Variants in PDE7B observed in about 807,000 individuals in gnomAD.
PDE7B encodes phosphodiesterase 7B, also known as 3',5'-cyclic-AMP phosphodiesterase 7B.
In PDE7B, 29 loss-of-function variants were observed where a neutral mutation model predicts 56.2. The ratio of observed to expected loss-of-function variants is 0.52; its 90% CI spans 0.38 to 0.70. The LOEUF (loss-of-function observed/expected upper bound fraction) is 0.70. PDE7B is among the 30% of genes least tolerant of loss of function. The probability of loss-of-function intolerance (pLI) is 0.00; values close to 1 mark genes in which losing one functional copy is unlikely to be tolerated. For missense variants in PDE7B, 490 were observed against 565.0 expected (o/e 0.87, Z 1.35); for synonymous variants, 197 against 196.9 (o/e 1.00, Z 0.00).
chr6:136,124,250 GT>G (rs1175547930), intron 3 of PDE7B, among the ~76,000 whole-genome samples: 2 of 151,978 alleles, frequency 1.3e-5, no homozygotes, highest in African/African-American at 4.8e-5. Context: ...AAAAACTTAG[GT>G]GGAAGAATTT....
chr6:136,182,665 A>C (rs1779084881), intron 11 of PDE7B, among the ~76,000 whole-genome samples: 1 of 152,190 alleles, frequency 6.6e-6, no homozygotes, highest in Non-Finnish European at 1.5e-5. Context: ...GATTCTGAGC[A>C]CCTTGGGGCA....
chr6:136,188,603 A>AC (rs1360715511), intron 12 of PDE7B, among the ~76,000 whole-genome samples: 2 of 151,816 alleles, frequency 1.3e-5, no homozygotes, highest in Admixed American at 6.6e-5. Context: ...GACATTTTGA[A>AC]CCCCCCAAAC....
intron 2 of PDE7B, among the ~76,000 whole-genome samples, chr6:136,000,242 T>C (rs992584404): frequency 2.6e-5 from 4 of 152,230 alleles, no homozygotes; most frequent in Admixed American, 1.3e-4. Context: ...GTGATGAAGC[T>C]CTTAAGTTTA....
chr6:135,954,746 G>A (rs926280813), intron 2 of PDE7B, among the ~76,000 whole-genome samples: 3 of 152,118 alleles, frequency 2.0e-5, no homozygotes, highest in African/African-American at 7.2e-5. Flanking sequence ...CACCTTGAGG[G>A]TTATGGTTTA....
In PDE7B at chr6:136,191,666, G is replaced by A. The variant is rs747103589; in HGVS notation, c.1179G>A (p.Thr393=). ...EPLFREWAHF[T]GNSTLSENML... ...TCTTCCGGGAATGGGCCCATTTCACGGGTAACAGCACCCTGTCGGAGAACA... is the reference window on the plus strand; with the variant it reads ...TCTTCCGGGAATGGGCCCATTTCACAGGTAACAGCACCCTGTCGGAGAACA... The change falls in exon 13 of 13, where the codon ACG becomes ACA. Residue 393 remains threonine, a synonymous_variant. Transcript: ENST00000308191. 2.5e-6 allele frequency: 4 copies of A among 1,614,056 alleles called. No homozygotes were observed. The highest frequency in any genetic ancestry group is 2.5e-6 in the Non-Finnish European group (3 of 1,179,990).
intron 1 of PDE7B, among the ~76,000 whole-genome samples, chr6:135,917,562 T>G (rs1773979563): frequency 6.6e-6 from 1 of 152,170 alleles, no homozygotes; most frequent in African/African-American, 2.4e-5. Flanking sequence ...TCTGCTAATT[T>G]CAACATTGTC....
At chr6:135,953,316 A>G (rs1326809925) in intron 2 of PDE7B, among the ~76,000 whole-genome samples, 1 of 152,106 alleles carries the variant, frequency 6.6e-6, no homozygotes, top group Non-Finnish European at 1.5e-5. Context: ...ATAATACACA[A>G]TCTGTTTTAA....
intron 9 of PDE7B, among the ~76,000 whole-genome samples, chr6:136,178,656 C>T (rs1053687199): frequency 6.6e-6 from 1 of 152,230 alleles, no homozygotes; most frequent in South Asian, 2.1e-4. Context: ...TAAAAACACA[C>T]CGCCAATCTC....
intron 1 of PDE7B, among the ~76,000 whole-genome samples, chr6:135,924,647 GAT>G (rs1445128172): frequency 2.2e-5 from 2 of 89,018 alleles, no homozygotes; most frequent in East Asian, 6.7e-4. Flanking sequence ...TTTTTTGTGG[GAT>G]GTCACCTCTA....
At chr6:135,862,070 G>A (rs922400279) in intron 1 of PDE7B, among the ~76,000 whole-genome samples, 5 of 151,712 alleles carry the variant, frequency 3.3e-5, no homozygotes, top group African/African-American at 1.2e-4. Context: ...GGTGGTCACC[G>A]ATTTTCCTTT....
chr6:136,000,670 A>C (rs894361997), intron 2 of PDE7B, among the ~76,000 whole-genome samples: 3 of 152,134 alleles, frequency 2.0e-5, no homozygotes, highest in African/African-American at 7.2e-5. Context: ...ATATAGTTTG[A>C]AGTCAAGTAA....
intron 12 of PDE7B, among the ~76,000 whole-genome samples, chr6:136,190,847 A>G (rs994297476): frequency 6.6e-6 from 1 of 152,118 alleles, no homozygotes; most frequent in Non-Finnish European, 1.5e-5. Flanking sequence ...GTTATTTAAC[A>G]TAACTGAAAG....
At chr6:136,078,026 A>G (rs570923133) in intron 2 of PDE7B, among the ~76,000 whole-genome samples, 1 of 152,302 alleles carries the variant, frequency 6.6e-6, no homozygotes, top group East Asian at 1.9e-4. Flanking sequence ...TTGAATGTAA[A>G]TCTAGCGCCA....
At chr6:135,894,430 C>A (rs1395956580) in intron 1 of PDE7B, among the ~76,000 whole-genome samples, 2 of 152,164 alleles carry the variant, frequency 1.3e-5, no homozygotes, top group Admixed American at 1.3e-4. Flanking sequence ...ATTAGCCAAA[C>A]ACTTTTCCGT....
At chr6:135,979,415 T>A (rs2128204033) in intron 2 of PDE7B, among the ~76,000 whole-genome samples, 1 of 151,920 alleles carries the variant, frequency 6.6e-6, no homozygotes, top group Non-Finnish European at 1.5e-5. Flanking sequence ...GAGGATTCCC[T>A]CTTTTTCTAT....
At chr6:136,083,471 C>G (rs989715969) in intron 2 of PDE7B, among the ~76,000 whole-genome samples, 1 of 152,102 alleles carries the variant, frequency 6.6e-6, no homozygotes, top group Non-Finnish European at 1.5e-5. Flanking sequence ...TCAATTCTCT[C>G]AGAAAGACGT....
chr6:135,922,162 A>C (rs1022534798), intron 1 of PDE7B, among the ~76,000 whole-genome samples: 22 of 152,156 alleles, frequency 1.4e-4, no homozygotes, highest in African/African-American at 4.6e-4. Flanking sequence ...GTAAACTGCC[A>C]CCTCAAGATC....
At chr6:135,893,294 C>A (rs1324666405) in intron 1 of PDE7B, among the ~76,000 whole-genome samples, 3 of 147,740 alleles carry the variant, frequency 2.0e-5, no homozygotes, top group Non-Finnish European at 3.0e-5. Flanking sequence ...GTTCGATTCC[C>A]ACCTATGAAT....
At chr6:136,139,934 G>A (rs1778290277) in intron 3 of PDE7B, among the ~76,000 whole-genome samples, 1 of 152,172 alleles carries the variant, frequency 6.6e-6, no homozygotes, top group Non-Finnish European at 1.5e-5. Context: ...TGTTCACTCT[G>A]ATGGTAGTTT....
Sources: gnomAD v4.1 joint callset for allele counts (sites outside exome capture counted in the v4.1 genomes callset) on GRCh38, gnomAD v4.1.1 for gene constraint, MANE v1.5 for transcripts, NCBI Gene and HGNC (gene_info 2026-07-23, HGNC 2026-07-21) for gene names.